The following EIF2B3 variants were observed in gnomAD, a reference collection of about 807,000 sequenced individuals.
EIF2B3 encodes the protein translation initiation factor eIF2B subunit gamma.
Under a neutral mutation model 54.1 loss-of-function variants are expected in EIF2B3, and 20 were observed. The ratio of observed to expected loss-of-function variants is 0.37; its 90% CI spans 0.26 to 0.54. The LOEUF is 0.54. Among genes scored for constraint, EIF2B3 ranks in the 20% least tolerant of loss-of-function variants. The pLI, the probability that EIF2B3 is intolerant of heterozygous loss-of-function variation, is 0.86. For missense variants in EIF2B3, 448 were observed against 547.8 expected (o/e 0.82, Z 1.82); for synonymous variants, 153 against 188.1 (o/e 0.81, Z 1.52).
At chr1:44,982,019 G>A (rs1359502391) in intron 1 of EIF2B3, among the ~76,000 whole-genome samples, 13 of 149,480 alleles carry the variant, frequency 8.7e-5, no homozygotes, top group African/African-American at 3.2e-4. Context: ...AGAAACACAA[G>A]CATGTTAGGC....
intron 3 of EIF2B3, among the ~76,000 whole-genome samples, chr1:44,955,906 T>A (rs1443483082): frequency 6.6e-6 from 1 of 152,186 alleles, no homozygotes; most frequent in South Asian, 2.1e-4. Context: ...GCTTTTACAC[T>A]GTTGGTGGTA....
At chr1:44,909,945 T>G (rs1170629414) in intron 5 of EIF2B3, among the ~76,000 whole-genome samples, 1 of 152,244 alleles carries the variant, frequency 6.6e-6, no homozygotes, top group African/African-American at 2.4e-5. Flanking sequence ...TTTGAGGTCT[T>G]GACTGAAGTC....
intron 3 of EIF2B3, among the ~76,000 whole-genome samples, chr1:44,968,075 AG>A (rs1644364352): frequency 7.8e-6 from 1 of 128,274 alleles, no homozygotes; most frequent in Non-Finnish European, 1.8e-5. Context: ...AAAATATAAA[AG>A]AAAAGGCCTG....
At chr1:44,897,737 CTTTT>C (rs36113373) in intron 5 of EIF2B3, among the ~76,000 whole-genome samples, 5 of 134,462 alleles carry the variant, frequency 3.7e-5, no homozygotes, top group Admixed American at 7.4e-5. Flanking sequence ...TGATCGTTAA[CTTTT>C]TTTTTTTTTT....
At chr1:44,894,944 C>T (rs1655917500) in intron 6 of EIF2B3, among the ~76,000 whole-genome samples, 1 of 152,208 alleles carries the variant, frequency 6.6e-6, no homozygotes, top group African/African-American at 2.4e-5. Context: ...ATCCCATCTC[C>T]CACAACCTTT....
intron 3 of EIF2B3, among the ~76,000 whole-genome samples, chr1:44,945,153 A>T (rs183799018): frequency 1.3e-5 from 2 of 152,098 alleles, no homozygotes; most frequent in African/African-American, 4.8e-5. Flanking sequence ...AGCCTGAACA[A>T]TTTCTTTTGA....
intron 5 of EIF2B3, among the ~76,000 whole-genome samples, chr1:44,898,065 A>G (rs1656038471): frequency 6.6e-6 from 1 of 152,060 alleles, no homozygotes; most frequent in Non-Finnish European, 1.5e-5. Context: ...CACAATTCTT[A>G]TAACAAACAT....
intron 4 of EIF2B3, among the ~76,000 whole-genome samples, chr1:44,937,883 C>CAAAAA (rs34363661): frequency 1.5e-4 from 5 of 33,558 alleles, no homozygotes; most frequent in African/African-American, 2.1e-4. Flanking sequence ...GACTCCGTCT[C>CAAAAA]AAAAAAAAAA....
At position 44,877,192 on chromosome 1, in the gene EIF2B3, T is replaced by TTAAAAAAAAA. The variant is rs1553169362; in HGVS notation, c.976-1498_976-1497insTTTTTTTTTA. Among the ~76,000 whole-genome samples the TTAAAAAAAAA allele has an allele frequency of 8.6e-4, 45 of 52,078 alleles. 1 individual carries two copies. The highest frequency in any genetic ancestry group is 1.3e-3 in the African/African-American group (15 of 11,218). 34.2% of individuals were successfully genotyped at this position (52,078 alleles called of 152,430 possible). A position where few individuals can be genotyped will look rare whatever the true frequency, so the allele number is the denominator to read the frequency against. On this transcript the variant is annotated intron_variant, in intron 8 of 11. Transcript: ENST00000360403. ...GCGAGAAACACCCAAGAATGATCAA[T>TTAAAAAAAAA]AAAAAAAAAAAAAAAAAAAAAAAAA... is the stretch of plus-strand genomic sequence containing the variant.
At chr1:44,944,200 T>G (rs537037578) in intron 3 of EIF2B3, among the ~76,000 whole-genome samples, 1 of 152,240 alleles carries the variant, frequency 6.6e-6, no homozygotes, top group Admixed American at 6.5e-5. Flanking sequence ...CACATGCCTG[T>G]AATCCCAGAG....
At chr1:44,937,567 T>G (rs1643962459) in intron 4 of EIF2B3, among the ~76,000 whole-genome samples, 1 of 152,136 alleles carries the variant, frequency 6.6e-6, no homozygotes, top group Non-Finnish European at 1.5e-5. Flanking sequence ...CTAGAGAGCA[T>G]TTCAGGCAAG....
intron 3 of EIF2B3, among the ~76,000 whole-genome samples, chr1:44,975,655 G>A (rs1171389560): frequency 1.3e-5 from 2 of 152,124 alleles, no homozygotes; most frequent in Non-Finnish European, 2.9e-5. Flanking sequence ...GATGTTCAAG[G>A]ATCAAAAGAT....
chr1:44,975,702 C>T (rs899112086), intron 3 of EIF2B3, among the ~76,000 whole-genome samples: 4 of 152,050 alleles, frequency 2.6e-5, no homozygotes, highest in East Asian at 1.9e-4. Flanking sequence ...TGGGTGAGGT[C>T]GCTCATGTGT....
chr1:44,890,309 A>G (rs1655752295), intron 6 of EIF2B3, among the ~76,000 whole-genome samples: 1 of 152,230 alleles, frequency 6.6e-6, no homozygotes. Context: ...CCAATTAAGA[A>G]ACTGGCAAAT....
At chr1:44,942,388 T>TAC (rs1644034616) in intron 3 of EIF2B3, among the ~76,000 whole-genome samples, 1 of 11,948 alleles carries the variant, frequency 8.4e-5, no homozygotes, top group African/African-American at 5.0e-4. Context: ...TATATATATA[T>TAC]ATATATATAT....
intron 3 of EIF2B3, among the ~76,000 whole-genome samples, chr1:44,963,015 C>A (rs1644301016): frequency 6.6e-6 from 1 of 151,886 alleles, no homozygotes; most frequent in South Asian, 2.1e-4. Context: ...ACTGCTTGAG[C>A]CCAGGAGTTC....
intron 5 of EIF2B3, among the ~76,000 whole-genome samples, chr1:44,897,753 T>C (rs1656022334): frequency 6.6e-6 from 1 of 151,800 alleles, no homozygotes; most frequent in Non-Finnish European, 1.5e-5. Context: ...TTTTTTTTTT[T>C]TTTGAGACAG....
At chr1:44,943,677 G>A (rs1644064684) in intron 3 of EIF2B3, among the ~76,000 whole-genome samples, 2 of 151,764 alleles carry the variant, frequency 1.3e-5, no homozygotes, top group African/African-American at 2.4e-5. Flanking sequence ...GCCCACTTTG[G>A]CCTCCCAAAG....
chr1:44,886,472 T>C (rs1655588483), intron 6 of EIF2B3, among the ~76,000 whole-genome samples: 1 of 152,258 alleles, frequency 6.6e-6, no homozygotes, highest in Non-Finnish European at 1.5e-5. Flanking sequence ...ATGTTCACAA[T>C]AGTTATCTCA....
Sources: allele counts gnomAD v4.1 joint callset (sites outside exome capture counted in the v4.1 genomes callset), GRCh38; gene constraint gnomAD v4.1.1; transcripts MANE v1.5; gene names NCBI Gene and HGNC (gene_info 2026-07-23, HGNC 2026-07-21).